Variants in ZNF350 observed in about 807,000 individuals in gnomAD.
The protein encoded by ZNF350 is KRAB zinc finger protein ZFQR.
ZNF350 carries 5 observed loss-of-function variants against 13.1 expected under a neutral mutation model. The ratio of observed to expected loss-of-function variants is 0.38; its 90% CI spans 0.20 to 0.80. The LOEUF is 0.80. ZNF350 is among the 30% of genes least tolerant of loss of function. ZNF350 has a pLI of 0.43. For synonymous variants in ZNF350, 199 were observed against 224.2 expected (o/e 0.89, Z 1.00); for missense variants, 534 against 644.2 (o/e 0.83, Z 1.85).
In ZNF350 at chr19:51,964,620, ACTTAAAAGTACTTGGGCTTC is replaced by A; in HGVS notation, c.*214_*233del. 1.9e-6 allele frequency: 1 copy of A among 526,158 alleles called. No homozygotes were observed. The highest frequency in any genetic ancestry group is 3.6e-5 in the Admixed American group (1 of 27,926). The allele number at this position is 526,158 out of a possible 1,614,324, so 32.6% of individuals were successfully genotyped here. ...AAATTCACAGTACTTCATTTCCTCC[ACTTAAAAGTACTTGGGCTTC>A]CTTTACTCATTTAATTGACACAGTC... On this transcript the variant is annotated 3_prime_UTR_variant, in exon 5 of 5. Coordinates refer to ENST00000243644, the MANE Select transcript of ZNF350 (RefSeq NM_021632.4).
At chr19:51,974,811 T>G (rs73066995) in intron 1 of ZNF350, 4,166 of 154,844 alleles carry the variant, frequency 0.027, 70 homozygotes, top group Non-Finnish European at 0.038. Flanking sequence ...GATGGTGAAC[T>G]CTTAGGCAGA....
intron 2 of ZNF350, among the ~76,000 whole-genome samples, chr19:51,971,956 C>T (rs1333201096): frequency 1.3e-5 from 2 of 152,036 alleles, no homozygotes; most frequent in Non-Finnish European, 2.9e-5. Flanking sequence ...AATCTCACCT[C>T]CTTAATTAAG....
chr19:51,966,028 A>G lies in ZNF350; in HGVS notation c.425T>C (p.Leu142Ser), dbSNP rs563091683. 1 of 1,614,066 alleles carries G rather than the reference A, an allele frequency of 6.2e-7. No homozygotes were observed. The highest frequency in any genetic ancestry group is 2.2e-5 in the East Asian group (1 of 44,880). Residue 142 changes from leucine to serine, a missense_variant, in exon 5 of 5, where the codon TTA becomes TCA. Transcript: ENST00000243644. ...RGKSLKSNLTLVNQSKGYEIK... is the reference protein window; with the variant it reads ...RGKSLKSNLTSVNQSKGYEIK... ...TTCATAGCCTTTGCTCTGGTTAACT[A>G]AAGTTAAATTGGATTTCAAACTTTT...
rs113072853 is a variant in ZNF350 at position 51,965,309 on chromosome 19, C to A, written c.1144G>T (p.Ala382Ser). ...ATGAGCTTTTGCTTTGTGCTAAAGG[C>A]TTTCCCACATTCACTACATTCAAAG... ...KPFECSECGK[A>S]FSTKQKLIVH... Residue 382 changes from alanine (A) to serine (S), a missense_variant, in exon 5 of 5, where the codon GCC becomes TCC. Physicochemically the swap from Ala to Ser is moderately conservative, Grantham distance 99 (BLOSUM62 1). Transcript: ENST00000243644. 6.2e-7 allele frequency: 1 copy of A among 1,613,928 alleles called. No homozygotes were observed. Among genetic ancestry groups the A allele is most frequent in the African/African-American group, 1.3e-5 (1 of 74,928 alleles).
intron 1 of ZNF350, among the ~76,000 whole-genome samples, chr19:51,983,657 A>G (rs1277855035): frequency 2.0e-5 from 3 of 152,144 alleles, no homozygotes; most frequent in Non-Finnish European, 4.4e-5. Context: ...CCTTAAACTT[A>G]TTTATAACAC....
intron 1 of ZNF350, among the ~76,000 whole-genome samples, chr19:51,982,443 T>C (rs934370609): frequency 6.6e-6 from 1 of 152,262 alleles, no homozygotes; most frequent in Non-Finnish European, 1.5e-5. Context: ...TTGTATTTTG[T>C]GCAGTTTCCT....
Position 51,971,835 on chromosome 19 carries a change from G to C in ZNF350, c.15+2511C>G, listed in dbSNP as rs995277251. ...GTGTTCAGTCCCCCTAGGTCTGTGC[G>C]GGTTACAAGTGGCGCCCAAACAGGG... On this transcript the variant is annotated intron_variant, in intron 2 of 4. Coordinates refer to ENST00000243644, the MANE Select transcript of ZNF350 (RefSeq NM_021632.4). 2.0e-5 allele frequency among the ~76,000 whole-genome samples: 3 copies of C among 152,120 alleles called. 1 individual carries two copies. Among genetic ancestry groups the C allele is most frequent in the Non-Finnish European group, 1.5e-5 (1 of 68,026 alleles).
chr19:51,980,091 A>C (rs142044992), intron 1 of ZNF350, among the ~76,000 whole-genome samples: 450 of 152,368 alleles, frequency 3.0e-3, no homozygotes, highest in Non-Finnish European at 3.6e-3. Context: ...CTCAGTTTAC[A>C]GTTTGTGTTT....
At chr19:51,983,416 C>A (rs1221891711) in intron 1 of ZNF350, among the ~76,000 whole-genome samples, 1 of 152,202 alleles carries the variant, frequency 6.6e-6, no homozygotes, top group African/African-American at 2.4e-5. Flanking sequence ...AAGAGGAAGA[C>A]CTCTTTACAG....
chr19:51,984,643 A>G (rs977382499), intron 1 of ZNF350, among the ~76,000 whole-genome samples: 1 of 152,252 alleles, frequency 6.6e-6, no homozygotes, highest in Non-Finnish European at 1.5e-5. Context: ...ATACAAATGT[A>G]ATTAATAATA....
At chr19:51,978,161 G>GGCATTCCCAAT (rs1445332692) in intron 1 of ZNF350, among the ~76,000 whole-genome samples, 2 of 152,120 alleles carry the variant, frequency 1.3e-5, no homozygotes, top group Admixed American at 1.3e-4. Flanking sequence ...AAACAATGAG[G>GGCATTCCCAAT]GCATTCCCAA....
chr19:51,978,533 A>C (rs1048430791), intron 1 of ZNF350, among the ~76,000 whole-genome samples: 3 of 152,212 alleles, frequency 2.0e-5, no homozygotes, highest in African/African-American at 7.2e-5. Flanking sequence ...CCATGAAAAG[A>C]GAAATGAGGA....
chr19:51,985,830 A>T (rs2086148370), intron 1 of ZNF350, among the ~76,000 whole-genome samples: 1 of 152,080 alleles, frequency 6.6e-6, no homozygotes, highest in Non-Finnish European at 1.5e-5. Context: ...AACGTGGTAA[A>T]ACCCTGTCTC....
At chr19:51,975,810 G>A (rs529383999) in intron 1 of ZNF350, among the ~76,000 whole-genome samples, 12 of 151,938 alleles carry the variant, frequency 7.9e-5, no homozygotes, top group African/African-American at 1.7e-4. Context: ...GTGTGATCTC[G>A]GCCTCCCGGG....
At chr19:51,986,663 A>C (rs149086841) in intron 1 of ZNF350, 107 bp downstream of exon 1, 1 of 152,424 alleles carries the variant, frequency 6.6e-6, no homozygotes, top group East Asian at 1.9e-4. Flanking sequence ...TCCTGCCAAA[A>C]ACTATGTGGT....
chr19:51,968,346 A>G (rs1176222226), intron 4 of ZNF350: 1 of 530,650 alleles, frequency 1.9e-6, no homozygotes, highest in South Asian at 2.3e-5. Flanking sequence ...TATGCAGGCA[A>G]ACAAACAATA....
intron 4 of ZNF350, among the ~76,000 whole-genome samples, chr19:51,967,682 G>A (rs1485777909): frequency 6.6e-6 from 1 of 152,128 alleles, no homozygotes; most frequent in African/African-American, 2.4e-5. Context: ...GGAAGTAGGC[G>A]GGAGTTGAGA....
At chr19:51,983,182 A>T (rs1170900450) in intron 1 of ZNF350, among the ~76,000 whole-genome samples, 1 of 152,220 alleles carries the variant, frequency 6.6e-6, no homozygotes, top group Non-Finnish European at 1.5e-5. Context: ...ATGTGTTTGC[A>T]GGCAGTATGC....
intron 1 of ZNF350, among the ~76,000 whole-genome samples, chr19:51,982,915 C>T (rs907825322): frequency 6.6e-6 from 1 of 152,136 alleles, no homozygotes; most frequent in Admixed American, 6.5e-5. Flanking sequence ...ACTAAGGGCG[C>T]CGTGGCTCAC....
Sources: gnomAD v4.1 joint callset for allele counts (sites outside exome capture counted in the v4.1 genomes callset) on GRCh38, gnomAD v4.1.1 for gene constraint, MANE v1.5 for transcripts, NCBI Gene and HGNC (gene_info 2026-07-23, HGNC 2026-07-21) for gene names.